Variants in SI observed in about 807,000 individuals in gnomAD.
The protein encoded by SI is sucrase-isomaltase, intestinal.
SI carries 235 observed loss-of-function variants against 253.3 expected under a neutral mutation model. The ratio of observed to expected loss-of-function variants is 0.93; its 90% CI spans 0.83 to 1.03. The LOEUF is 1.03. Ranked by LOEUF, SI falls within the 50% of genes least tolerant of loss-of-function variation. The pLI, the probability that SI is intolerant of heterozygous loss-of-function variation, is 0.00. For missense variants in SI, 2,442 were observed against 2,211.1 expected, an observed-to-expected ratio of 1.10 and a Z score of -2.09; for synonymous variants, 819 against 712.0, an observed-to-expected ratio of 1.15 and a Z score of -2.39.
chr3:165,035,137 T>C (rs950144828), intron 22 of SI, among the ~76,000 whole-genome samples: 1 of 152,012 alleles, frequency 6.6e-6, no homozygotes, highest in Non-Finnish European at 1.5e-5. Flanking sequence ...AAGTTCTATC[T>C]TGGCAGATTA....
At chr3:165,026,354 A>G (rs1307244000) in intron 25 of SI, among the ~76,000 whole-genome samples, 1 of 151,366 alleles carries the variant, frequency 6.6e-6, no homozygotes, top group Non-Finnish European at 1.5e-5. Flanking sequence ...TAGACCTAAG[A>G]ATTGAGAGAG....
At chr3:165,083,043 G>A (rs1715391761), upstream of SI, among the ~76,000 whole-genome samples, 2 of 151,690 alleles carry the variant, frequency 1.3e-5, no homozygotes, top group African/African-American at 4.8e-5. Flanking sequence ...ATCATGCTAG[G>A]GATATATCAT....
Position 165,068,074 on chromosome 3 carries a change from C to T in SI, c.484-583G>A, listed in dbSNP as rs551331202. Among the ~76,000 whole-genome samples the T allele has an allele frequency of 4.6e-5, 7 of 152,026 alleles. No individual in the cohort carries two copies. In the East Asian group the frequency reaches 1.4e-3, roughly 29 times the overall value. ...TAAACTACGTGCTAAAAAAAAGAAT[C>T]ATAGTTTTTAAAATCATGAATAAAA... is the stretch of plus-strand genomic sequence containing the variant. On this transcript the variant is annotated intron_variant, in intron 5 of 47. Coordinates refer to ENST00000264382, the MANE Select transcript of SI (RefSeq NM_001041.4).
At chr3:165,054,694 T>A (rs1418132770) in intron 13 of SI, among the ~76,000 whole-genome samples, 1 of 152,164 alleles carries the variant, frequency 6.6e-6, no homozygotes, top group Non-Finnish European at 1.5e-5. Flanking sequence ...ACTAGGATTC[T>A]GTTTGTTGCT....
intron 37 of SI, among the ~76,000 whole-genome samples, chr3:165,001,068 A>T (rs2108143898): frequency 6.6e-6 from 1 of 151,470 alleles, no homozygotes; most frequent in Admixed American, 6.6e-5. Flanking sequence ...ACATATTTTT[A>T]ATCTTCCAAT....
chr3:164,979,325 GT>G lies in SI; in HGVS notation c.*36del. 2 of 1,247,378 alleles carry G rather than the reference GT, an allele frequency of 1.6e-6. No homozygotes were observed. Among genetic ancestry groups the G allele is most frequent in the South Asian group, 1.2e-5 (1 of 83,724 alleles). 77.3% of individuals were successfully genotyped at this position (1,247,378 alleles called of 1,614,324 possible). ...AGTGCTGTGAAACTTAAATCCTGGT[GT>G]TTTTTCCCATTGACAACTAAAATTG... On this transcript the variant is annotated 3_prime_UTR_variant, in exon 48 of 48. Transcript: ENST00000264382.
In SI at chr3:164,979,248, T is replaced by A; in HGVS notation, c.*114A>T. On this transcript the variant is annotated 3_prime_UTR_variant, in exon 48 of 48. Coordinates refer to ENST00000264382, the MANE Select transcript of SI (RefSeq NM_001041.4). ...GCTACAAAATAACTTTTCGATGTTA[T>A]GAAAGCTATATTTTGTAGAGTACAA... is the stretch of plus-strand genomic sequence containing the variant. The A allele has an allele frequency of 1.3e-6, 1 of 745,102 alleles. No individual in the cohort carries two copies. The highest frequency in any genetic ancestry group is 2.5e-6 in the Non-Finnish European group (1 of 407,212). The allele number at this position is 745,102 out of a possible 1,614,324, so 46.2% of individuals were successfully genotyped here.
At chr3:165,005,265 A>G (rs1344447383) in intron 37 of SI, among the ~76,000 whole-genome samples, 1 of 148,834 alleles carries the variant, frequency 6.7e-6, no homozygotes, top group African/African-American at 2.5e-5. Flanking sequence ...AGTTAGAAAG[A>G]ATGAATAATA....
rs112873975 is a variant in SI, at chr3:165,017,260, T to C, written c.3759+288A>G. 7.8e-4 allele frequency among the ~76,000 whole-genome samples: 118 copies of C among 152,080 alleles called. 2 individuals are homozygous for C. Among genetic ancestry groups the C allele is most frequent in the African/African-American group, 2.4e-3 (100 of 41,538 alleles). Reference sequence around the variant, plus strand: ...ACATGAAGAGAACATAGTGACTGCCTGTACAACCCAGAGTTTGTGAGAGGA... The same window carrying C: ...ACATGAAGAGAACATAGTGACTGCCCGTACAACCCAGAGTTTGTGAGAGGA... On this transcript the variant is annotated intron_variant, in intron 31 of 47. Coordinates refer to ENST00000264382, the MANE Select transcript of SI (RefSeq NM_001041.4).
rs764648483 is a variant in SI, at chr3:165,017,683, A to C, written c.3634-10T>G. On this transcript the variant is annotated splice_polypyrimidine_tract_variant and intron_variant, in intron 30 of 47. Coordinates refer to ENST00000264382, the MANE Select transcript of SI (RefSeq NM_001041.4). ...CTGGATGGCCAATTACCTTTAAAAAAAATTCATGTGTGAACTAAGAGAATT... is the reference window on the plus strand; with the variant it reads ...CTGGATGGCCAATTACCTTTAAAAACAATTCATGTGTGAACTAAGAGAATT... 1 of 1,612,306 alleles carries C rather than the reference A, an allele frequency of 6.2e-7. No individual in the cohort carries two copies. The highest frequency in any genetic ancestry group is 1.1e-5 in the South Asian group (1 of 91,038).
chr3:165,036,044 A>T, intron 22 of SI, among the ~76,000 whole-genome samples: 1 of 152,012 alleles, frequency 6.6e-6, no homozygotes, highest in Middle Eastern at 3.6e-3. Context: ...ACAAAATTTT[A>T]GTTATAATCA....
intron 25 of SI, among the ~76,000 whole-genome samples, chr3:165,030,064 C>T (rs542598059): frequency 1.3e-5 from 2 of 149,466 alleles, no homozygotes; most frequent in Non-Finnish European, 3.0e-5. Context: ...CTTGACTCGC[C>T]TCAGTGATAT....
At chr3:164,995,143 A>T (rs2108132592) in intron 40 of SI, among the ~76,000 whole-genome samples, 1 of 151,944 alleles carries the variant, frequency 6.6e-6, no homozygotes, top group Non-Finnish European at 1.5e-5. Flanking sequence ...TTTCGTTGAC[A>T]TCAGCATGAC....
chr3:165,088,177 C>T, the SI span, among the ~76,000 whole-genome samples: 1 of 151,666 alleles, frequency 6.6e-6, no homozygotes, highest in Non-Finnish European at 1.5e-5. Context: ...AAAACCTTGT[C>T]TCTACTAAAA....
intron 3 of SI, among the ~76,000 whole-genome samples, chr3:165,072,803 T>C (rs1371122796): frequency 6.6e-6 from 1 of 151,066 alleles, no homozygotes; most frequent in African/African-American, 2.4e-5. Flanking sequence ...CAAAACTTTG[T>C]GAATAAGATA....
chr3:165,021,202 T>G (rs778184315), intron 27 of SI, 27 bp downstream of exon 27: 1 of 1,595,270 alleles, frequency 6.3e-7, no homozygotes, highest in Admixed American at 1.7e-5. Flanking sequence ...TAAAATATCC[T>G]TTATATCAAA....
intron 28 of SI, among the ~76,000 whole-genome samples, chr3:165,018,551 C>T (rs1719152959): frequency 6.7e-6 from 1 of 150,184 alleles, no homozygotes; most frequent in Non-Finnish European, 1.5e-5. Flanking sequence ...ATTTATAGAA[C>T]ATTTAAAGTT....
At chr3:165,047,833 A>G (rs1713203178) in intron 15 of SI, among the ~76,000 whole-genome samples, 1 of 74,274 alleles carries the variant, frequency 1.3e-5, no homozygotes, top group South Asian at 5.4e-4. Flanking sequence ...AAACTTACAT[A>G]ATTAAGAAGA....
intron 16 of SI, among the ~76,000 whole-genome samples, chr3:165,043,649 T>G (rs944662842): frequency 6.6e-6 from 1 of 152,032 alleles, no homozygotes; most frequent in African/African-American, 2.4e-5. Context: ...GCCCGATGTG[T>G]ACCCATGTAA....
Sources: gnomAD v4.1 joint callset for allele counts (sites outside exome capture counted in the v4.1 genomes callset) on GRCh38, gnomAD v4.1.1 for gene constraint, MANE v1.5 for transcripts, NCBI Gene and HGNC (gene_info 2026-07-23, HGNC 2026-07-21) for gene names.